The following KHDRBS2 variants were observed in gnomAD, a reference collection of about 807,000 sequenced individuals.
KHDRBS2 encodes the protein KH domain-containing, RNA-binding, signal transduction-associated protein 2.
Under a neutral mutation model 44.3 loss-of-function variants are expected in KHDRBS2, and 26 were observed. The ratio of observed to expected loss-of-function variants is 0.59; its 90% confidence interval spans 0.43 to 0.81. The LOEUF is 0.81. Among genes scored for constraint, KHDRBS2 ranks in the 40% least tolerant of loss-of-function variants. The pLI is 0.00. For missense variants in KHDRBS2, 476 were observed against 433.1 expected, an observed-to-expected ratio of 1.10 and a Z score of -0.88; for synonymous variants, 194 against 151.1, an observed-to-expected ratio of 1.28 and a Z score of -2.08.
At chr6:61,627,698 T>C in the KHDRBS2 span, among the ~76,000 whole-genome samples, 1 of 152,250 alleles carries the variant, frequency 6.6e-6, no homozygotes, top group Admixed American at 6.5e-5. Flanking sequence ...AAGTGGTTGA[T>C]GCATTCTGGG....
At chr6:61,574,701 T>G in the KHDRBS2 span, among the ~76,000 whole-genome samples, 5 of 152,088 alleles carry the variant, frequency 3.3e-5, no homozygotes, top group African/African-American at 1.2e-4. Flanking sequence ...GATCAGGAGT[T>G]TGGGACCAGC....
intron 6 of KHDRBS2, among the ~76,000 whole-genome samples, chr6:61,869,950 C>G (rs970607991): frequency 4.9e-5 from 7 of 142,180 alleles, no homozygotes; most frequent in African/African-American, 1.1e-4. Context: ...AGACACCGAA[C>G]TAGCTGCAGG....
At chr6:62,249,764 T>C (rs1289728805) in intron 1 of KHDRBS2, among the ~76,000 whole-genome samples, 2 of 152,074 alleles carry the variant, frequency 1.3e-5, no homozygotes, top group East Asian at 3.9e-4. Context: ...TGTGGAATTA[T>C]TCAGAAAAGT....
At chr6:62,262,049 T>C (rs1838434438) in intron 1 of KHDRBS2, among the ~76,000 whole-genome samples, 1 of 151,712 alleles carries the variant, frequency 6.6e-6, no homozygotes, top group Non-Finnish European at 1.5e-5. Context: ...TTTTTTTGGA[T>C]TTAGGTTTAT....
At chr6:62,114,174 T>C (rs1304618438) in intron 2 of KHDRBS2, among the ~76,000 whole-genome samples, 1 of 152,140 alleles carries the variant, frequency 6.6e-6, no homozygotes, top group Non-Finnish European at 1.5e-5. Flanking sequence ...TTGAGAATTA[T>C]GGGAACTACA....
intron 4 of KHDRBS2, among the ~76,000 whole-genome samples, chr6:61,933,687 G>A (rs1002331264): frequency 5.3e-5 from 8 of 152,026 alleles, no homozygotes. Flanking sequence ...GCAACACAAT[G>A]GTAAGTATTT....
chr6:61,666,991 G>GTT, the KHDRBS2 span, among the ~76,000 whole-genome samples: 50,508 of 140,410 alleles, frequency 0.36, 9,719 homozygotes, highest in East Asian at 0.48. Flanking sequence ...AACCTTCTGG[G>GTT]TTTTTTTTTT....
intron 6 of KHDRBS2, 59 bp from the exon 7 acceptor site, chr6:61,732,823 T>G: frequency 1.1e-6 from 1 of 894,638 alleles, no homozygotes; most frequent in African/African-American, 1.6e-5. Flanking sequence ...TTGATCTGTT[T>G]TCAGTTAGCA....
At chr6:61,678,697 A>T (rs1316392289), downstream of KHDRBS2, among the ~76,000 whole-genome samples, 1 of 151,950 alleles carries the variant, frequency 6.6e-6, no homozygotes, top group African/African-American at 2.4e-5. Flanking sequence ...TTGCCAGGTA[A>T]ATACTAAATC....
intron 1 of KHDRBS2, among the ~76,000 whole-genome samples, chr6:62,216,270 T>C (rs1829961705): frequency 6.6e-6 from 1 of 151,848 alleles, no homozygotes; most frequent in South Asian, 2.1e-4. Context: ...AGATACTCAA[T>C]GACAATTTAG....
At chr6:62,169,034 CATATATATATATATATATATAT>C (rs369570219) in intron 2 of KHDRBS2, among the ~76,000 whole-genome samples, 2 of 72,582 alleles carry the variant, frequency 2.8e-5, no homozygotes, top group Non-Finnish European at 2.7e-5. Flanking sequence ...GTTCTCCAGT[CATATATATATATATATATATAT>C]ATATATGTAT....
chr6:61,860,499 G>T (rs1030735801), intron 6 of KHDRBS2, among the ~76,000 whole-genome samples: 3 of 151,926 alleles, frequency 2.0e-5, no homozygotes, highest in Non-Finnish European at 4.4e-5. Flanking sequence ...GCATTAGTTT[G>T]CCAAGGATAA....
intron 6 of KHDRBS2, among the ~76,000 whole-genome samples, chr6:61,876,448 T>A (rs1395709064): frequency 1.3e-5 from 2 of 151,980 alleles, no homozygotes; most frequent in Admixed American, 1.3e-4. Context: ...GAAGAATTTA[T>A]CATCAGAAGT....
At chr6:61,776,391 A>G (rs1020943767) in intron 6 of KHDRBS2, among the ~76,000 whole-genome samples, 5 of 152,268 alleles carry the variant, frequency 3.3e-5, no homozygotes, top group Admixed American at 6.5e-5. Context: ...CAACCTACTC[A>G]TCTGACAAAG....
At chr6:61,963,946 T>G (rs1307590686) in intron 4 of KHDRBS2, among the ~76,000 whole-genome samples, 6 of 152,042 alleles carry the variant, frequency 3.9e-5, no homozygotes, top group Admixed American at 3.9e-4. Flanking sequence ...AGCTTTTCCA[T>G]AACAAAAAGA....
At chr6:62,104,820 AAT>A (rs1273872778) in intron 2 of KHDRBS2, among the ~76,000 whole-genome samples, 1 of 152,066 alleles carries the variant, frequency 6.6e-6, no homozygotes. Flanking sequence ...ACAATAAATG[AAT>A]AGATAATAAT....
At chr6:62,057,216 T>A (rs1298353300) in intron 2 of KHDRBS2, among the ~76,000 whole-genome samples, 1 of 151,990 alleles carries the variant, frequency 6.6e-6, no homozygotes, top group Non-Finnish European at 1.5e-5. Flanking sequence ...AGTATTTACC[T>A]GTCACAGTTT....
intron 1 of KHDRBS2, among the ~76,000 whole-genome samples, chr6:62,261,223 T>C (rs1437748427): frequency 6.6e-6 from 1 of 151,956 alleles, no homozygotes; most frequent in Non-Finnish European, 1.5e-5. Context: ...ACTCAACTCA[T>C]TAGGGCATAA....
chr6:61,716,164 C>T (rs1414691954), intron 7 of KHDRBS2, among the ~76,000 whole-genome samples: 1 of 151,876 alleles, frequency 6.6e-6, no homozygotes, highest in Non-Finnish European at 1.5e-5. Flanking sequence ...CCCTGAGCTG[C>T]CATGCTATGA....
Sources: allele counts gnomAD v4.1 joint callset (sites outside exome capture counted in the v4.1 genomes callset), GRCh38; gene constraint gnomAD v4.1.1; transcripts MANE v1.5; gene names NCBI Gene and HGNC (gene_info 2026-07-23, HGNC 2026-07-21).